Variants in MACROD2 observed in about 807,000 individuals in gnomAD.
MACROD2 encodes the protein mono-ADP ribosylhydrolase 2.
Under a neutral mutation model 70.4 loss-of-function variants are expected in MACROD2, and 36 were observed. The observed-to-expected ratio is 0.51, with a 90% CI of 0.39 to 0.68. The LOEUF (loss-of-function observed/expected upper bound fraction) is 0.68. Among genes scored for constraint, MACROD2 ranks in the 30% least tolerant of loss-of-function variants. MACROD2 has a pLI of 0.00. For missense variants in MACROD2, 496 were observed against 538.4 expected, an observed-to-expected ratio of 0.92 and a Z score of 0.78; for synonymous variants, 172 against 178.8, an observed-to-expected ratio of 0.96 and a Z score of 0.30.
intron 8 of MACROD2, among the ~76,000 whole-genome samples, chr20:15,849,842 G>C (rs2064276537): frequency 6.6e-6 from 1 of 152,092 alleles, no homozygotes; most frequent in Non-Finnish European, 1.5e-5. Flanking sequence ...ATGTGTGCTG[G>C]ATAAACAATG....
chr20:14,427,611 C>T (rs1600227802), intron 3 of MACROD2, among the ~76,000 whole-genome samples: 1 of 151,990 alleles, frequency 6.6e-6, no homozygotes, highest in Non-Finnish European at 1.5e-5. Context: ...TGCAAATCCA[C>T]AACCATGACA....
chr20:15,195,323 G>C (rs1420047635), intron 5 of MACROD2, among the ~76,000 whole-genome samples: 1 of 152,076 alleles, frequency 6.6e-6, no homozygotes, highest in Admixed American at 6.5e-5. Context: ...GAAAATTTTT[G>C]CAATTTATCC....
chr20:15,569,194 G>A (rs1406495676), intron 8 of MACROD2, among the ~76,000 whole-genome samples: 2 of 152,122 alleles, frequency 1.3e-5, no homozygotes, highest in Admixed American at 1.3e-4. Flanking sequence ...TATGGGGGCT[G>A]TGTAGAAAAG....
intron 8 of MACROD2, among the ~76,000 whole-genome samples, chr20:15,802,462 T>C (rs1480994267): frequency 5.3e-5 from 8 of 152,180 alleles, no homozygotes; most frequent in African/African-American, 1.9e-4. Context: ...ATGGTTTCTG[T>C]CCTTCATTCT....
intron 5 of MACROD2, among the ~76,000 whole-genome samples, chr20:15,082,523 G>GT (rs753606217): frequency 0.12 from 12,697 of 101,908 alleles, 683 homozygotes; most frequent in African/African-American, 0.23. Flanking sequence ...ACTGCAAGAG[G>GT]TTTTTTTTTT....
At chr20:15,509,666 C>T (rs1307159106) in intron 8 of MACROD2, among the ~76,000 whole-genome samples, 1 of 152,186 alleles carries the variant, frequency 6.6e-6, no homozygotes, top group Non-Finnish European at 1.5e-5. Flanking sequence ...GCAGTTATAA[C>T]CACCACTGTG....
At position 15,084,066 on chromosome 20, in the gene MACROD2, T is replaced by TG. The variant is rs1337648657; in HGVS notation, c.419-145874_419-145873insG. On this transcript the variant is annotated intron_variant, in intron 5 of 17. Coordinates refer to ENST00000684519, the MANE Select transcript of MACROD2 (RefSeq NM_001351661.2). ...CTTAAGAAGCAACACTAGGTTTTTT[T>TG]TTTTTGTTTTTTTTTTTTAATGAAG... Among the ~76,000 whole-genome samples the TG allele has an allele frequency of 4.4e-3, 299 of 68,402 alleles. 3 individuals are homozygous for TG. Among genetic ancestry groups the TG allele is most frequent in the Admixed American group, 0.011 (76 of 7,114 alleles). 44.9% of individuals were successfully genotyped at this position (68,402 alleles called of 152,430 possible).
At chr20:15,725,485 A>G (rs1333927781) in intron 8 of MACROD2, among the ~76,000 whole-genome samples, 1 of 151,718 alleles carries the variant, frequency 6.6e-6, no homozygotes. Context: ...TTTTTTGTTG[A>G]GCTTTTAGAT....
intron 7 of MACROD2, among the ~76,000 whole-genome samples, chr20:15,477,854 G>A (rs2047043558): frequency 6.6e-6 from 1 of 152,190 alleles, no homozygotes; most frequent in Admixed American, 6.5e-5. Context: ...GAAGGCAGGA[G>A]GGTCAGAGTC....
chr20:15,772,574 T>C (rs2051653957), intron 8 of MACROD2, among the ~76,000 whole-genome samples: 1 of 152,100 alleles, frequency 6.6e-6, no homozygotes, highest in Non-Finnish European at 1.5e-5. Flanking sequence ...GTTTTCACAC[T>C]GCTATAAAGA....
chr20:15,656,879 C>T (rs459928), intron 8 of MACROD2, among the ~76,000 whole-genome samples: 70,903 of 151,528 alleles, frequency 0.47, 16,944 homozygotes, highest in South Asian at 0.52. Context: ...AAGAAGAGAC[C>T]ATAAAAGTAT....
At chr20:14,559,670 C>T (rs1040727941) in intron 4 of MACROD2, among the ~76,000 whole-genome samples, 2 of 151,702 alleles carry the variant, frequency 1.3e-5, no homozygotes, top group Admixed American at 1.3e-4. Flanking sequence ...TGTTCTGTAA[C>T]TATAATTCTC....
intron 5 of MACROD2, among the ~76,000 whole-genome samples, chr20:15,136,453 C>A: frequency 6.6e-6 from 1 of 152,118 alleles, no homozygotes; most frequent in Non-Finnish European, 1.5e-5. Flanking sequence ...GAAAAACGAG[C>A]AATGGGGAAA....
At position 15,181,911 on chromosome 20, in the gene MACROD2, A is replaced by AAATCC. The variant is rs1191325425; in HGVS notation, c.419-48027_419-48023dup. 2.6e-5 allele frequency among the ~76,000 whole-genome samples: 4 copies of AAATCC among 152,182 alleles called. No individual in the cohort carries two copies. In the East Asian group the frequency reaches 7.7e-4, roughly 29 times the overall value. On this transcript the variant is annotated intron_variant, in intron 5 of 17. Transcript: ENST00000684519. ...GCCTCCCTTGAGTTTGTGATTTCCT[A>AAATCC]AATCCAGTGAATGCTCTGCTCAAAG...
intron 15 of MACROD2, among the ~76,000 whole-genome samples, chr20:16,037,381 C>A (rs775611009): frequency 5.9e-5 from 9 of 151,780 alleles, no homozygotes; most frequent in Non-Finnish European, 1.2e-4. Context: ...GGGTTATTAC[C>A]ATTGAGAGTA....
At chr20:15,441,706 C>T (rs1252008924) in intron 7 of MACROD2, among the ~76,000 whole-genome samples, 1 of 152,146 alleles carries the variant, frequency 6.6e-6, no homozygotes, top group Non-Finnish European at 1.5e-5. Flanking sequence ...TGGATGTGCA[C>T]TCCCTTGTAG....
At chr20:15,733,041 T>C (rs1253360060) in intron 8 of MACROD2, among the ~76,000 whole-genome samples, 1 of 152,200 alleles carries the variant, frequency 6.6e-6, no homozygotes, top group African/African-American at 2.4e-5. Flanking sequence ...CTTGTGTGAA[T>C]TTTGGCAGAG....
intron 3 of MACROD2, among the ~76,000 whole-genome samples, chr20:14,174,148 T>C (rs2081245177): frequency 6.6e-6 from 1 of 152,056 alleles, no homozygotes; most frequent in Non-Finnish European, 1.5e-5. Context: ...TAGGGTTGTA[T>C]AGGGAGGATA....
At chr20:15,920,264 G>A (rs2147287521) in intron 10 of MACROD2, among the ~76,000 whole-genome samples, 1 of 152,156 alleles carries the variant, frequency 6.6e-6, no homozygotes, top group South Asian at 2.1e-4. Flanking sequence ...GCTTAGGCTG[G>A]TCCCGAGGGC....
Sources: allele counts gnomAD v4.1 joint callset (sites outside exome capture counted in the v4.1 genomes callset), GRCh38; gene constraint gnomAD v4.1.1; transcripts MANE v1.5; gene names NCBI Gene and HGNC (gene_info 2026-07-23, HGNC 2026-07-21).